Variants in ARHGEF17 observed in about 807,000 individuals in gnomAD.
ARHGEF17 encodes 164 kDa Rho-specific guanine-nucleotide exchange factor.
ARHGEF17 carries 80 observed loss-of-function variants against 174.0 expected under a neutral mutation model. That is an observed-to-expected ratio of 0.46 (90% CI 0.38 to 0.55). The LOEUF is 0.55. Among genes scored for constraint, ARHGEF17 ranks in the 20% least tolerant of loss-of-function variants. The pLI, the probability that ARHGEF17 is intolerant of heterozygous loss-of-function variation, is 0.00. For synonymous variants in ARHGEF17, 1,311 were observed against 1,189.1 expected (o/e 1.10, Z -2.11); for missense variants, 2,886 against 2,839.7 (o/e 1.02, Z -0.37).
chr11:73,361,007 G>A, intron 11 of ARHGEF17, 81 bp from the exon 12 acceptor site: 1 of 1,195,932 alleles, frequency 8.4e-7, no homozygotes. Context: ...GGGGAGGAAG[G>A]GGAATGGGGC....
rs764949347 is a variant in ARHGEF17 at position 73,309,298 on chromosome 11, C to T, written c.660C>T (p.Phe220=). 5 of 1,612,062 alleles carry T rather than the reference C, an allele frequency of 3.1e-6. No individual in the cohort carries two copies. The highest frequency in any genetic ancestry group is 4.5e-5 in the East Asian group (2 of 44,808). Reference sequence around the variant, plus strand: ...ATGGTTTACATTCTTGGCATATCTTCTCCCAACCGCAGGCCGGGGCCCGGG... The same window carrying T: ...ATGGTTTACATTCTTGGCATATCTTTTCCCAACCGCAGGCCGGGGCCCGGG... ...PADGLHSWHI[F]SQPQAGARAS... is the part of the protein sequence containing the mutation. The change falls in exon 1 of 21, where the codon TTC becomes TTT. Residue 220 remains phenylalanine (F), a synonymous_variant. Transcript: ENST00000263674.
At chr11:73,332,932 T>C (rs943369827) in intron 1 of ARHGEF17, among the ~76,000 whole-genome samples, 1 of 152,128 alleles carries the variant, frequency 6.6e-6, no homozygotes, top group Non-Finnish European at 1.5e-5. Context: ...ATGCTTTTGC[T>C]CTCTTCCTGT....
intron 2 of ARHGEF17, among the ~76,000 whole-genome samples, chr11:73,349,017 A>C (rs1393909459): frequency 6.6e-6 from 1 of 152,166 alleles, no homozygotes; most frequent in Non-Finnish European, 1.5e-5. Flanking sequence ...GCAGCAGGGA[A>C]CCAGAGGTGG....
intron 9 of ARHGEF17, among the ~76,000 whole-genome samples, chr11:73,358,208 G>T (rs1565207161): frequency 6.6e-6 from 1 of 152,184 alleles, no homozygotes; most frequent in Non-Finnish European, 1.5e-5. Context: ...TCTTCAGGCT[G>T]TTTTAACAAA....
intron 20 of ARHGEF17, 37 bp from the exon 21 acceptor site, chr11:73,367,547 C>G (rs373732228): frequency 1.3e-6 from 2 of 1,557,726 alleles, no homozygotes; most frequent in Admixed American, 1.7e-5. Flanking sequence ...AGCCTCCATT[C>G]GCCCCCAAGC....
intron 1 of ARHGEF17, among the ~76,000 whole-genome samples, chr11:73,317,634 G>A (rs556850778): frequency 4.6e-5 from 7 of 152,332 alleles, no homozygotes; most frequent in Admixed American, 1.3e-4. Context: ...TGAAATGGGG[G>A]CCCTGGGTCC....
At chr11:73,320,628 CAAAAAAAA>C (rs1165583721) in intron 1 of ARHGEF17, among the ~76,000 whole-genome samples, 1 of 57,710 alleles carries the variant, frequency 1.7e-5, no homozygotes, top group Non-Finnish European at 3.3e-5. Context: ...GACTCCGTCT[CAAAAAAAA>C]AAAAAAAAAA....
At chr11:73,331,924 G>C (rs1865210616) in intron 1 of ARHGEF17, among the ~76,000 whole-genome samples, 1 of 152,118 alleles carries the variant, frequency 6.6e-6, no homozygotes, top group South Asian at 2.1e-4. Flanking sequence ...GAGACTGAGG[G>C]GTCCAGCCCA....
chr11:73,346,292 A>G (rs1243151353), intron 1 of ARHGEF17, among the ~76,000 whole-genome samples: 1 of 152,202 alleles, frequency 6.6e-6, no homozygotes, highest in Non-Finnish European at 1.5e-5. Flanking sequence ...TTTAAATGAC[A>G]GAATTGGGAT....
chr11:73,314,947 A>T (rs1406689257), intron 1 of ARHGEF17, among the ~76,000 whole-genome samples: 1 of 152,256 alleles, frequency 6.6e-6, no homozygotes, highest in African/African-American at 2.4e-5. Flanking sequence ...TCTCAGCATC[A>T]TAGGCAGATG....
Position 73,355,541 on chromosome 11 carries a change from G to A in ARHGEF17, c.3462G>A (p.Lys1154=). ...VGALLVQSFS[K]DVLVNIYSAY... is the part of the protein sequence containing the mutation. ...TGCCTCCTCCTCCACAGTTCTCCAA[G>A]GATGTCCTAGTAAACATCTATTCTG... The change falls in exon 4 of 21, where the codon AAG becomes AAA. Residue 1154 remains lysine, a synonymous_variant. Transcript: ENST00000263674. 1.2e-6 allele frequency: 2 copies of A among 1,613,338 alleles called. No individual in the cohort carries two copies. The highest frequency in any genetic ancestry group is 2.2e-5 in the South Asian group (2 of 91,054).
At chr11:73,318,155 G>A (rs1197103728) in intron 1 of ARHGEF17, among the ~76,000 whole-genome samples, 1 of 152,158 alleles carries the variant, frequency 6.6e-6, no homozygotes, top group East Asian at 1.9e-4. Context: ...AGGCTGCTGA[G>A]AAGGCAGGTT....
intron 1 of ARHGEF17, among the ~76,000 whole-genome samples, chr11:73,330,752 C>T (rs1865191161): frequency 6.6e-6 from 1 of 152,238 alleles, no homozygotes; most frequent in South Asian, 2.1e-4. Context: ...TGGACATCGC[C>T]CTGGCTGTCC....
chr11:73,359,039 G>T (rs376759831), intron 9 of ARHGEF17, among the ~76,000 whole-genome samples: 145 of 152,300 alleles, frequency 9.5e-4, no homozygotes, highest in African/African-American at 3.4e-3. Flanking sequence ...GGCCACTTCA[G>T]ACAGGACTTG....
At position 73,360,456 on chromosome 11, in the gene ARHGEF17, C is replaced by G. The variant is rs1865719034; in HGVS notation, c.4343C>G (p.Ser1448Cys). The change falls in exon 11 of 21, where the codon TCC becomes TGC. Residue 1448 changes from serine to cysteine, a missense_variant. This residue lies in a region of ARHGEF17 where 476 missense variants were observed against 473.1 expected (regional missense o/e 1.01). Transcript: ENST00000263674. ...LCATRPEGTD[S>C]YIFEFPHPDA... ...GCCACTCGGCCCGAGGGCACCGACT[C>G]CTACATTTTTGAGTTCCCTCACCCT... 1 of 1,614,090 alleles carries G rather than the reference C, an allele frequency of 6.2e-7. No homozygotes were observed. Among genetic ancestry groups the G allele is most frequent in the Non-Finnish European group, 8.5e-7 (1 of 1,180,046 alleles).
chr11:73,314,713 G>A (rs1864900674), intron 1 of ARHGEF17, among the ~76,000 whole-genome samples: 1 of 152,074 alleles, frequency 6.6e-6, no homozygotes, highest in Non-Finnish European at 1.5e-5. Context: ...GGGAGGTGAG[G>A]AGGCAGAGCT....
intron 6 of ARHGEF17, 169 bp downstream of exon 6, chr11:73,356,520 G>A (rs78433080): frequency 0.09 from 99,913 of 1,113,066 alleles, 5,364 homozygotes; most frequent in Non-Finnish European, 0.1. Context: ...GTCTCCACCT[G>A]TCTGTTCTTC....
chr11:73,354,958 G>T (rs532808842), intron 3 of ARHGEF17, among the ~76,000 whole-genome samples: 1 of 152,248 alleles, frequency 6.6e-6, no homozygotes, highest in Non-Finnish European at 1.5e-5. Context: ...TTCATGGAGA[G>T]GGAGAACTTG....
rs938605527 is a variant in ARHGEF17, at chr11:73,364,200, C to A, written c.5362C>A (p.Leu1788Met). ...TCTGAATAACCAGGTGTTTGTGTCT[C>A]TGGCCAATGGAGAGCTTGTGGTCTA... ...LYLNNQVFVS[L>M]ANGELVVYQR... The change falls in exon 17 of 21, where the codon CTG becomes ATG. Residue 1788 changes from leucine to methionine, a missense_variant. Transcript: ENST00000263674. The A allele has an allele frequency of 6.2e-7, 1 of 1,614,158 alleles. No homozygotes were observed. Among genetic ancestry groups the A allele is most frequent in the Non-Finnish European group, 8.5e-7 (1 of 1,180,026 alleles).
Sources: gnomAD v4.1 joint callset for allele counts (sites outside exome capture counted in the v4.1 genomes callset) on GRCh38, gnomAD v4.1.1 for gene constraint, gnomAD v4.1.1 regional missense constraint, MANE v1.5 for transcripts, NCBI Gene and HGNC (gene_info 2026-07-23, HGNC 2026-07-21) for gene names.